CFAP47: variants seen among roughly 807,000 people sequenced by gnomAD.
The protein encoded by CFAP47 is cilia and flagella associated protein 47, also known as cilia- and flagella-associated protein 47.
In CFAP47, 29 loss-of-function variants were observed where a neutral mutation model predicts 148.1. The observed-to-expected ratio is 0.20, with a 90% CI of 0.15 to 0.27. CFAP47 has a LOEUF of 0.27. CFAP47 is among the 10% of genes least tolerant of loss of function. The probability of loss-of-function intolerance (pLI) is 1.00; values close to 1 mark genes in which losing one functional copy is unlikely to be tolerated. For synonymous variants in CFAP47, 664 were observed against 577.3 expected (o/e 1.15, Z -2.15); for missense variants, 1,872 against 1,697.5 (o/e 1.10, Z -1.81).
chrX:36,374,213 A>T (rs781829542), intron 62 of CFAP47, among the ~76,000 whole-genome samples: 3 of 111,467 alleles, frequency 2.7e-5, no homozygotes, highest in African/African-American at 9.7e-5. Flanking sequence ...TAATGCTACG[A>T]TCTTTTTTAA....
chrX:35,951,180 G>A lies in CFAP47; in HGVS notation c.706G>A (p.Val236Met), dbSNP rs2336029. 0.13 allele frequency: 152,705 copies of A among 1,208,856 alleles called. 7,051 individuals are homozygous for A. Among genetic ancestry groups the A allele is most frequent in the Admixed American group, 0.24 (10,795 of 45,662 alleles). ...GATGCTCTTGAGTATCAAAGCTCAT[G>A]TGGTTGAGCAGATTATTGAATTATT... ...PEMLLSIKAHVVEQIIELLSM... is the reference protein window; with the variant it reads ...PEMLLSIKAHMVEQIIELLSM... The change falls in exon 5 of 64, where the codon GTG becomes ATG. Residue 236 changes from valine (V) to methionine (M), a missense_variant. Val to Met is a conservative substitution (Grantham distance 21). Coordinates refer to ENST00000378653, the MANE Select transcript of CFAP47 (RefSeq NM_001304548.2).
intron 25 of CFAP47, among the ~76,000 whole-genome samples, chrX:36,045,005 A>G (rs753190308): frequency 8.9e-6 from 1 of 112,324 alleles, no homozygotes. Flanking sequence ...ATAAGCTCAT[A>G]TAATCTACAA....
chrX:36,145,478 A>G (rs1044380296), intron 36 of CFAP47, 125 bp downstream of exon 36: 1 of 279,992 alleles, frequency 3.6e-6, no homozygotes, highest in African/African-American at 2.8e-5. Flanking sequence ...AAAAGTGAAT[A>G]AGCCTTATCA....
At chrX:36,013,550 C>T (rs1937064249) in intron 21 of CFAP47, among the ~76,000 whole-genome samples, 1 of 111,423 alleles carries the variant, frequency 9.0e-6, no homozygotes, top group African/African-American at 3.3e-5. Context: ...TTACTATAGG[C>T]TGTGAAGGGT....
Position 36,160,689 on chromosome X carries a change from A to G in CFAP47, c.5946A>G (p.Ile1982Met). ...KVLDFKAIDI[I>M]KCESPCYQFQ... The stretch of plus-strand genomic sequence containing the variant: ...TTATTTTTTTACTTTAGGACATTAT[A>G]AAATGCGAAAGCCCATGTTATCAAT... Residue 1982 changes from isoleucine to methionine, a missense_variant, in exon 39 of 64, where the codon ATA (isoleucine) becomes ATG (methionine). Ile to Met is a conservative substitution (Grantham distance 10). Transcript: ENST00000378653. 2 of 295,576 alleles carry G rather than the reference A, an allele frequency of 6.8e-6. No homozygotes were observed. Among genetic ancestry groups the G allele is most frequent in the Non-Finnish European group, 1.2e-5 (2 of 169,241 alleles). The allele number at this position is 295,576 out of a possible 1,213,427, so 24.4% of individuals were successfully genotyped here.
chrX:36,285,839 T>A, intron 51 of CFAP47, 113 bp downstream of exon 51: 1 of 531,458 alleles, frequency 1.9e-6, no homozygotes, highest in Non-Finnish European at 2.9e-6. Flanking sequence ...ATGATTGTAT[T>A]AAGATAAATT....
intron 45 of CFAP47, among the ~76,000 whole-genome samples, chrX:36,219,284 T>G (rs782021457): frequency 2.9e-4 from 32 of 111,725 alleles, no homozygotes; most frequent in Non-Finnish European, 4.9e-4. Flanking sequence ...GTTTGGAATA[T>G]GGTATCTTAT....
At chrX:36,199,762 A>G (rs1265567028) in intron 42 of CFAP47, among the ~76,000 whole-genome samples, 3 of 111,519 alleles carry the variant, frequency 2.7e-5, no homozygotes, top group African/African-American at 9.8e-5. Context: ...TAGAGACCAC[A>G]TATCAAGTGG....
At chrX:35,921,940 C>A (rs933106902) in intron 1 of CFAP47, among the ~76,000 whole-genome samples, 8 of 111,497 alleles carry the variant, frequency 7.2e-5, no homozygotes, top group African/African-American at 2.3e-4. Context: ...TATTGAATAC[C>A]CACTATGTGT....
chrX:36,073,262 A>C lies in CFAP47; in HGVS notation c.4589A>C (p.His1530Pro), dbSNP rs74495781. The C allele has an allele frequency of 0.011, 13,645 of 1,208,192 alleles. 60 individuals carry two copies. Among genetic ancestry groups the C allele is most frequent in the Non-Finnish European group, 0.013 (11,323 of 894,061 alleles). The change falls in exon 29 of 64, where the codon CAC becomes CCC. Residue 1530 changes from histidine to proline, a missense_variant. Coordinates refer to ENST00000378653, the MANE Select transcript of CFAP47 (RefSeq NM_001304548.2). ...FLSLEEGTKA[H>P]YFFEKVVNAA... ...TCTCTTGAGGAAGGAACAAAGGCAC[A>C]CTACTTTTTTGAGAAGGTTGTAAAT...
chrX:36,145,972 T>C (rs1569272866), intron 36 of CFAP47, among the ~76,000 whole-genome samples: 1 of 111,473 alleles, frequency 9.0e-6, no homozygotes, highest in African/African-American at 3.3e-5. Context: ...TTGGTTTGTG[T>C]TAGTAAATAC....
intron 49 of CFAP47, among the ~76,000 whole-genome samples, chrX:36,266,139 C>T (rs916737377): frequency 9.0e-6 from 1 of 110,551 alleles, no homozygotes; most frequent in Non-Finnish European, 1.9e-5. Context: ...GATGGGGGCA[C>T]GGTGGGTGTA....
chrX:36,303,169 CT>C (rs1169701565), intron 53 of CFAP47, among the ~76,000 whole-genome samples: 2 of 111,005 alleles, frequency 1.8e-5, no homozygotes, highest in Non-Finnish European at 3.8e-5. Context: ...CCTCTTTTAG[CT>C]TCTACTTCTT....
Position 36,236,229 on chromosome X carries a change from T to G in CFAP47, c.7158+152T>G, listed in dbSNP as rs782528734. 2.7e-5 allele frequency among the ~76,000 whole-genome samples: 3 copies of G among 112,505 alleles called. No homozygotes were observed. The East Asian group carries it at 8.4e-4, about 31-fold the overall frequency. On this transcript the variant is annotated intron_variant, in intron 47 of 63. Transcript: ENST00000378653. ...ATTTGACTATTTTTACTTAAAACTT[T>G]AATACATGTTTTAATTTGAGGCATA...
chrX:35,943,163 CATG>C (rs1936035353), intron 3 of CFAP47, among the ~76,000 whole-genome samples: 1 of 111,446 alleles, frequency 9.0e-6, no homozygotes, highest in Non-Finnish European at 1.9e-5. Flanking sequence ...TATACGTGTT[CATG>C]ATAATAGCAA....
At chrX:36,078,474 G>A (rs746358659) in intron 29 of CFAP47, among the ~76,000 whole-genome samples, 5 of 110,410 alleles carry the variant, frequency 4.5e-5, no homozygotes, top group Admixed American at 2.9e-4. Flanking sequence ...TCTTTGTCTC[G>A]TTTGATCTTT....
chrX:35,945,077 T>A (rs1397883544), intron 3 of CFAP47, among the ~76,000 whole-genome samples: 1 of 111,576 alleles, frequency 9.0e-6, no homozygotes, highest in Admixed American at 9.6e-5. Context: ...AGGGCCCAAA[T>A]CTTAGTTGCA....
At chrX:36,184,369 G>A (rs992875580) in intron 40 of CFAP47, among the ~76,000 whole-genome samples, 1 of 111,481 alleles carries the variant, frequency 9.0e-6, no homozygotes, top group African/African-American at 3.3e-5. Flanking sequence ...GTAGGGGCAT[G>A]CAAGGGGAAA....
intron 33 of CFAP47, among the ~76,000 whole-genome samples, chrX:36,121,470 C>T (rs991562108): frequency 1.5e-4 from 16 of 110,247 alleles, no homozygotes; most frequent in Admixed American, 3.9e-4. Context: ...CTTCTCTTAG[C>T]GAGGGTGATT....
Sources: gnomAD v4.1 joint callset for allele counts (sites outside exome capture counted in the v4.1 genomes callset) on GRCh38, gnomAD v4.1.1 for gene constraint, MANE v1.5 for transcripts, NCBI Gene and HGNC (gene_info 2026-07-23, HGNC 2026-07-21) for gene names.